KCNH1: variants seen among roughly 807,000 people sequenced by gnomAD.
KCNH1 encodes the protein potassium voltage-gated channel subfamily H member 1.
KCNH1 carries 27 observed loss-of-function variants against 69.2 expected under a neutral mutation model. That is an observed-to-expected ratio of 0.39 (90% CI 0.29 to 0.54). The LOEUF is 0.54. Ranked by LOEUF, KCNH1 falls within the 20% of genes least tolerant of loss-of-function variation. The pLI, the probability that KCNH1 is intolerant of heterozygous loss-of-function variation, is 0.68. For synonymous variants in KCNH1, 456 were observed against 487.7 expected (o/e 0.93, Z 0.86); for missense variants, 798 against 1,261.6 (o/e 0.63, Z 5.57).
intron 7 of KCNH1, among the ~76,000 whole-genome samples, chr1:210,828,511 C>A (rs1235738727): frequency 6.6e-6 from 1 of 152,114 alleles, no homozygotes; most frequent in Non-Finnish European, 1.5e-5. Flanking sequence ...ACCCATTCCA[C>A]CCCATCCCCA....
At chr1:210,828,485 G>A (rs1685084404) in intron 7 of KCNH1, among the ~76,000 whole-genome samples, 1 of 152,132 alleles carries the variant, frequency 6.6e-6, no homozygotes, top group African/African-American at 2.4e-5. Context: ...ATCATTGTCA[G>A]GGTCTCTAAC....
chr1:210,747,065 G>A (rs1238275962), intron 10 of KCNH1, among the ~76,000 whole-genome samples: 1 of 152,162 alleles, frequency 6.6e-6, no homozygotes, highest in African/African-American at 2.4e-5. Flanking sequence ...ACTGCAACAG[G>A]GGAAGAGAAG....
chr1:211,075,254 T>C (rs915770384), intron 5 of KCNH1, among the ~76,000 whole-genome samples: 4 of 152,218 alleles, frequency 2.6e-5, no homozygotes, highest in African/African-American at 7.2e-5. Context: ...CAAATATCTG[T>C]CCTTGTCCAA....
At chr1:210,887,722 CA>C (rs35066964) in intron 7 of KCNH1, among the ~76,000 whole-genome samples, 4,195 of 55,030 alleles carry the variant, frequency 0.076, 64 homozygotes, top group Non-Finnish European at 0.095. Context: ...AATGGAAAGC[CA>C]AAAAAAAAAA....
intron 10 of KCNH1, among the ~76,000 whole-genome samples, chr1:210,693,421 G>A (rs1336993914): frequency 3.9e-5 from 6 of 152,198 alleles, no homozygotes; most frequent in Admixed American, 6.5e-5. Context: ...AATCAGGCCG[G>A]TAGGAATCAG....
At chr1:211,027,281 G>A (rs760406703) in intron 5 of KCNH1, among the ~76,000 whole-genome samples, 8 of 151,984 alleles carry the variant, frequency 5.3e-5, no homozygotes, top group East Asian at 1.9e-4. Flanking sequence ...ATGTAATAAC[G>A]AATATAAAAA....
intron 7 of KCNH1, among the ~76,000 whole-genome samples, chr1:210,875,509 T>C (rs534133989): frequency 2.0e-5 from 3 of 152,260 alleles, no homozygotes; most frequent in South Asian, 2.1e-4. Flanking sequence ...CAAAAATCAA[T>C]AGCAATATTT....
chr1:210,780,549 G>T (rs887498460), intron 9 of KCNH1, among the ~76,000 whole-genome samples: 1 of 152,112 alleles, frequency 6.6e-6, no homozygotes, highest in Admixed American at 6.5e-5. Flanking sequence ...AATGTGTTAG[G>T]GGCTATAACA....
intron 10 of KCNH1, among the ~76,000 whole-genome samples, chr1:210,741,750 C>T (rs146945996): frequency 0.015 from 2,257 of 152,244 alleles, 62 homozygotes; most frequent in African/African-American, 0.051. Context: ...GTCTCAGGTA[C>T]CAAGCGGAAA....
chr1:210,956,095 G>C (rs1483113122), intron 6 of KCNH1, among the ~76,000 whole-genome samples: 1 of 152,144 alleles, frequency 6.6e-6, no homozygotes, highest in Non-Finnish European at 1.5e-5. Context: ...CTAGTTTATT[G>C]AGAGTTTTTG....
rs1383707496 is a variant in KCNH1 at position 211,096,075 on chromosome 1, ATTTT to A, written c.311-5389_311-5386del. ...TATTTATTTATTTATTTATTTATTT[ATTTT>A]TTGAGATGGAGTCTCACTCTATTGC... is the stretch of plus-strand genomic sequence containing the variant. On this transcript the variant is annotated intron_variant, in intron 3 of 10. Coordinates refer to ENST00000271751, the MANE Select transcript of KCNH1 (RefSeq NM_172362.3). 1.3e-4 allele frequency among the ~76,000 whole-genome samples: 19 copies of A among 151,884 alleles called. No homozygotes were observed. In the South Asian group the frequency reaches 3.3e-3, roughly 27 times the overall value.
chr1:210,956,376 G>A (rs928808897), intron 6 of KCNH1, among the ~76,000 whole-genome samples: 31 of 152,006 alleles, frequency 2.0e-4, no homozygotes, highest in Admixed American at 2.0e-3. Context: ...TTTTTGTTGT[G>A]TCTCTGCCAG....
At chr1:211,077,361 G>T (rs1690754554) in intron 5 of KCNH1, among the ~76,000 whole-genome samples, 1 of 152,130 alleles carries the variant, frequency 6.6e-6, no homozygotes, top group African/African-American at 2.4e-5. Context: ...CAGGTAGAAA[G>T]GTCGAGTTAC....
At chr1:210,861,160 G>T in intron 7 of KCNH1, 1 of 924,684 alleles carries the variant, frequency 1.1e-6, no homozygotes. Flanking sequence ...GTATATACTC[G>T]TAAGGGTCTT....
At chr1:210,991,745 T>C (rs1205975406) in intron 6 of KCNH1, among the ~76,000 whole-genome samples, 1 of 152,142 alleles carries the variant, frequency 6.6e-6, no homozygotes, top group Non-Finnish European at 1.5e-5. Flanking sequence ...TAAATACAGA[T>C]AATTATTTGT....
rs146199135 is a variant in KCNH1 at position 210,723,988 on chromosome 1, G to T, written c.2113-39850C>A. On this transcript the variant is annotated intron_variant, in intron 10 of 10. Coordinates refer to ENST00000271751, the MANE Select transcript of KCNH1 (RefSeq NM_172362.3). ...ATTTCCCACTGTGGCCGGGGAAAGA[G>T]TATGGCCTGTGTCATTCAAGGTTAC... Among the ~76,000 whole-genome samples, 1,343 of 152,302 alleles carry T rather than the reference G, an allele frequency of 8.8e-3. 9 individuals carry two copies. Among genetic ancestry groups the T allele is most frequent in the Non-Finnish European group, 0.013 (889 of 68,030 alleles).
At chr1:210,814,596 G>A (rs1406351266) in intron 7 of KCNH1, among the ~76,000 whole-genome samples, 1 of 152,132 alleles carries the variant, frequency 6.6e-6, no homozygotes, top group East Asian at 1.9e-4. Context: ...GGAATTCATG[G>A]CCCTGTCACT....
chr1:210,683,439 T>C lies in KCNH1; in HGVS notation c.2812A>G (p.Lys938Glu), dbSNP rs765293133. 6.2e-7 allele frequency: 1 copy of C among 1,614,184 alleles called. No individual in the cohort carries two copies. The highest frequency in any genetic ancestry group is 8.5e-7 in the Non-Finnish European group (1 of 1,180,032). The change falls in exon 11 of 11, where the codon AAG becomes GAG. Residue 938 changes from lysine (K) to glutamate (E), a missense_variant. Lys to Glu is a moderately conservative substitution (Grantham distance 56). Coordinates refer to ENST00000271751, the MANE Select transcript of KCNH1 (RefSeq NM_172362.3). This position sits in a 1 kb window ranked among gnomAD's most constrained non-coding sequence, Gnocchi z 5.7. The stretch of plus-strand genomic sequence containing the variant: ...TTGGTCATTTTGGCGTTTAAGGCCT[T>C]GATGTCCTCCTTCAGCTCGTGCCTC... Reference protein sequence around the residue: ...EVRHELKEDIKALNAKMTNIE... With the variant: ...EVRHELKEDIEALNAKMTNIE...
rs990666649 is a variant in KCNH1 at position 210,682,472 on chromosome 1, GAGGCCAGCAGCATGGAGCA to G, written c.*790_*808del. 6.6e-6 allele frequency: 1 copy of G among 152,570 alleles called. No individual in the cohort carries two copies. The highest frequency in any genetic ancestry group is 1.5e-5 in the Non-Finnish European group (1 of 68,356). The allele number at this position is 152,570 out of a possible 1,614,324, so 9.5% of individuals were successfully genotyped here. ...AACAGAAGCAAGGGAGCCTGTGTGT[GAGGCCAGCAGCATGGAGCA>G]GGGCCAGAGGCTCAGCCAGGCACTC... is the stretch of plus-strand genomic sequence containing the variant. On this transcript the variant is annotated 3_prime_UTR_variant, in exon 11 of 11. Transcript: ENST00000271751.
Sources: gnomAD v4.1 joint callset for allele counts (sites outside exome capture counted in the v4.1 genomes callset) on GRCh38, gnomAD v4.1.1 for gene constraint, Gnocchi (gnomAD v3.1) non-coding constraint, MANE v1.5 for transcripts, NCBI Gene and HGNC (gene_info 2026-07-23, HGNC 2026-07-21) for gene names.